Variants in CFHR3 observed in about 807,000 individuals in gnomAD.
CFHR3 encodes complement factor H related 3.
Under a neutral mutation model 36.0 loss-of-function variants are expected in CFHR3, and 22 were observed. The ratio of observed to expected loss-of-function variants is 0.61; its 90% confidence interval spans 0.44 to 0.87. The LOEUF (loss-of-function observed/expected upper bound fraction) is 0.87. Ranked by LOEUF, CFHR3 falls within the 40% of genes least tolerant of loss-of-function variation. The pLI is 0.00. For missense variants in CFHR3, 276 were observed against 401.3 expected (o/e 0.69, Z 2.67); for synonymous variants, 97 against 137.4 (o/e 0.71, Z 2.06).
At position 196,793,316 on chromosome 1, in the gene CFHR3, G is replaced by T. The variant is rs756657740; in HGVS notation, c.797-1G>T. 2.0e-6 allele frequency: 3 copies of T among 1,505,868 alleles called. No individual in the cohort carries two copies. Among genetic ancestry groups the T allele is most frequent in the Admixed American group, 1.7e-5 (1 of 57,272 alleles). 93.3% of individuals were successfully genotyped at this position (1,505,868 alleles called of 1,614,324 possible). On this transcript the variant is annotated splice_acceptor_variant, in intron 5 of 5. Transcript: ENST00000367425. LOFTEE classifies it high-confidence loss of function. ...TGTTAATTGTTTTTTTCTGCTTTCAGATCCATGTATAATAACTGAAGAAAA... is the reference window on the plus strand; with the variant it reads ...TGTTAATTGTTTTTTTCTGCTTTCATATCCATGTATAATAACTGAAGAAAA...
intron 4 of CFHR3, chr1:196,788,715 T>C (rs1374815336): frequency 6.9e-7 from 1 of 1,454,780 alleles, no homozygotes; most frequent in Non-Finnish European, 9.1e-7. Context: ...CTTTGTTGTC[T>C]TCCCTTTCTT....
chr1:196,774,881 T>A lies in CFHR3; in HGVS notation c.-6T>A. 6.6e-7 allele frequency: 1 copy of A among 1,523,872 alleles called. No homozygotes were observed. 94.4% of individuals were successfully genotyped at this position (1,523,872 alleles called of 1,614,324 possible). A position where few individuals can be genotyped will look rare whatever the true frequency, so the allele number is the denominator to read the frequency against. On this transcript the variant is annotated 5_prime_UTR_variant, in exon 1 of 6. Transcript: ENST00000367425. ...TTGTATTAGCATACTACTGAGAATA[T>A]CTAACATGTTGTTACTAATCAATGT...
chr1:196,774,907 C>A lies in CFHR3; in HGVS notation c.21C>A (p.Val7=). The change falls in exon 1 of 6, where the codon GTC becomes GTA. Residue 7 remains valine (V), a synonymous_variant. Transcript: ENST00000367425. ...CTAACATGTTGTTACTAATCAATGTCATTCTGACCTTGTGGGTTTCCTGTG... is the reference window on the plus strand; with the variant it reads ...CTAACATGTTGTTACTAATCAATGTAATTCTGACCTTGTGGGTTTCCTGTG... The part of the protein sequence containing the change: MLLLIN[V]ILTLWVSCAN... 1 of 1,529,392 alleles carries A rather than the reference C, an allele frequency of 6.5e-7. No homozygotes were observed. The highest frequency in any genetic ancestry group is 2.2e-5 in the East Asian group (1 of 44,550). The allele number at this position is 1,529,392 out of a possible 1,614,324, so 94.7% of individuals were successfully genotyped here.
intron 4 of CFHR3, chr1:196,789,696 G>C: frequency 6.8e-7 from 1 of 1,475,344 alleles, no homozygotes; most frequent in Non-Finnish European, 9.1e-7. Context: ...ATCAGTTATG[G>C]AAACACCACA....
chr1:196,778,540 A>G (rs748183246), intron 1 of CFHR3, among the ~76,000 whole-genome samples: 3 of 136,414 alleles, frequency 2.2e-5, no homozygotes, highest in Non-Finnish European at 4.7e-5. Context: ...GAATATATAT[A>G]TATTTGAACA....
intron 1 of CFHR3, among the ~76,000 whole-genome samples, chr1:196,778,251 A>G (rs1163407572): frequency 7.4e-6 from 1 of 134,982 alleles, no homozygotes; most frequent in African/African-American, 3.1e-5. Context: ...ACTAGCAAAC[A>G]CTTCCCACAA....
chr1:196,776,529 C>T (rs1247653112), intron 1 of CFHR3, among the ~76,000 whole-genome samples: 1 of 136,332 alleles, frequency 7.3e-6, no homozygotes, highest in Non-Finnish European at 1.6e-5. Context: ...TCAGGTGGGT[C>T]CTACTCCAAT....
At chr1:196,781,576 GT>G (rs1653949927) in intron 3 of CFHR3, among the ~76,000 whole-genome samples, 1 of 136,708 alleles carries the variant, frequency 7.3e-6, no homozygotes, top group Non-Finnish European at 1.5e-5. Flanking sequence ...TTTTTCATGT[GT>G]TTTTTGGCTG....
rs1455429962 is a variant in CFHR3, at chr1:196,781,235, T to C, written c.430+1262T>C. Among the ~76,000 whole-genome samples the C allele has an allele frequency of 2.2e-5, 3 of 135,346 alleles. 1 individual carries two copies. The highest frequency in any genetic ancestry group is 9.4e-5 in the African/African-American group (3 of 31,976). The allele number at this position is 135,346 out of a possible 152,430, so 88.8% of individuals were successfully genotyped here. On this transcript the variant is annotated intron_variant, in intron 3 of 5. Transcript: ENST00000367425. ...ATTTGGGTTGGTTCCAAGTCTTTGC[T>C]ATTGTGAATAATGCCGCAATAAGCA...
chr1:196,778,168 C>A (rs1653808933), intron 1 of CFHR3, among the ~76,000 whole-genome samples: 1 of 134,896 alleles, frequency 7.4e-6, no homozygotes, highest in African/African-American at 3.1e-5. Context: ...GAAAACTGTG[C>A]ATCCATGCTT....
At chr1:196,784,960 T>C (rs1654132469) in intron 3 of CFHR3, among the ~76,000 whole-genome samples, 1 of 137,470 alleles carries the variant, frequency 7.3e-6, no homozygotes, top group Non-Finnish European at 1.5e-5. Flanking sequence ...CCTTTCCATG[T>C]TTAGTGCTTC....
Position 196,776,315 on chromosome 1 carries a change from C to T in CFHR3, c.58+1371C>T, listed in dbSNP as rs193029028. Among the ~76,000 whole-genome samples the T allele has an allele frequency of 9.2e-4, 126 of 136,896 alleles. 33 individuals are homozygous for T. Among genetic ancestry groups the T allele is most frequent in the African/African-American group, 3.7e-3 (121 of 32,980 alleles). 89.8% of individuals were successfully genotyped at this position (136,896 alleles called of 152,430 possible). On this transcript the variant is annotated intron_variant, in intron 1 of 5. Coordinates refer to ENST00000367425, the MANE Select transcript of CFHR3 (RefSeq NM_021023.6). The stretch of plus-strand genomic sequence containing the variant: ...AAATGTCTTGTAAATTTGGGTTGCA[C>T]CTATATTTCTCAAAGGAGAAAGTAA...
Position 196,793,451 on chromosome 1 carries a change from T to C in CFHR3, c.931T>C (p.Ser311Pro). 6.5e-7 allele frequency: 1 copy of C among 1,526,874 alleles called. No individual in the cohort carries two copies. The highest frequency in any genetic ancestry group is 1.2e-5 in the South Asian group (1 of 80,514). 94.6% of individuals were successfully genotyped at this position (1,526,874 alleles called of 1,614,324 possible). A position where few individuals can be genotyped will look rare whatever the true frequency, so the allele number is the denominator to read the frequency against. ...TAAATTGGGATATAATGCAAATACATCAATTCTATCATTTCAAGCAGTGTG... is the reference window on the plus strand; with the variant it reads ...TAAATTGGGATATAATGCAAATACACCAATTCTATCATTTCAAGCAGTGTG... ...MCKLGYNANT[S>P]ILSFQAVCRE... The change falls in exon 6 of 6, where the codon TCA becomes CCA. Residue 311 changes from serine (S) to proline (P), a missense_variant. Transcript: ENST00000367425.
At chr1:196,785,446 A>C (rs1311971196) in intron 3 of CFHR3, among the ~76,000 whole-genome samples, 2 of 134,378 alleles carry the variant, frequency 1.5e-5, no homozygotes, top group Admixed American at 7.2e-5. Flanking sequence ...TACACCAATC[A>C]GATGTAGATT....
intron 3 of CFHR3, among the ~76,000 whole-genome samples, chr1:196,781,821 T>C (rs1195439517): frequency 1.5e-5 from 2 of 135,840 alleles, no homozygotes; most frequent in Non-Finnish European, 3.1e-5. Context: ...ATCCCATTTG[T>C]CAATTTTGGC....
rs1353564401 is a variant in CFHR3 at position 196,779,758 on chromosome 1, C to G, written c.254-39C>G. On this transcript the variant is annotated intron_variant, in intron 2 of 5. Coordinates refer to ENST00000367425, the MANE Select transcript of CFHR3 (RefSeq NM_021023.6). ...ATACTTTTTGTGCAAATTTATGTTT[C>G]TCATTTACTTTATTTATTTATCATT... The G allele has an allele frequency of 4.8e-6, 7 of 1,461,814 alleles. 1 individual carries two copies. Among genetic ancestry groups the G allele is most frequent in the Admixed American group, 2.0e-5 (1 of 50,662 alleles). 90.6% of individuals were successfully genotyped at this position (1,461,814 alleles called of 1,614,324 possible).
chr1:196,777,746 G>C (rs1653781887), intron 1 of CFHR3, among the ~76,000 whole-genome samples: 1 of 135,162 alleles, frequency 7.4e-6, no homozygotes, highest in African/African-American at 3.1e-5. Flanking sequence ...CAGCACTTTC[G>C]GGGGCCAAGG....
chr1:196,794,606 T>A lies in CFHR3; in HGVS notation c.*1093T>A, dbSNP rs1325333374. 55 of 390,544 alleles carry A rather than the reference T, an allele frequency of 1.4e-4. 4 individuals carry two copies. The highest frequency in any genetic ancestry group is 2.6e-4 in the Non-Finnish European group (53 of 201,138). The allele number at this position is 390,544 out of a possible 1,614,324, so 24.2% of individuals were successfully genotyped here. A position where few individuals can be genotyped will look rare whatever the true frequency, so the allele number is the denominator to read the frequency against. On this transcript the variant is annotated 3_prime_UTR_variant, in exon 6 of 6. Coordinates refer to ENST00000367425, the MANE Select transcript of CFHR3 (RefSeq NM_021023.6). Reference sequence around the variant, plus strand: ...TGGTTTTTTGCATTTCTTATTAAGTTTTGCTTCAGATTTTTTTTTGTCTTT... The same window carrying A: ...TGGTTTTTTGCATTTCTTATTAAGTATTGCTTCAGATTTTTTTTTGTCTTT...
At chr1:196,785,874 G>A (rs1344466414) in intron 3 of CFHR3, among the ~76,000 whole-genome samples, 1 of 136,780 alleles carries the variant, frequency 7.3e-6, no homozygotes, top group Non-Finnish European at 1.6e-5. Flanking sequence ...AGGAGGAGAG[G>A]TGCTCTGCTT....
Sources: gnomAD v4.1 joint callset for allele counts (sites outside exome capture counted in the v4.1 genomes callset) on GRCh38, gnomAD v4.1.1 for gene constraint, MANE v1.5 for transcripts, NCBI Gene and HGNC (gene_info 2026-07-23, HGNC 2026-07-21) for gene names.